The following ERBB4 variants were observed in gnomAD, a reference collection of about 807,000 sequenced individuals.
ERBB4 encodes receptor tyrosine-protein kinase erbB-4.
ERBB4 carries 42 observed loss-of-function variants against 158.0 expected under a neutral mutation model. The ratio of observed to expected loss-of-function variants is 0.27; its 90% confidence interval spans 0.21 to 0.34. The LOEUF (loss-of-function observed/expected upper bound fraction) is 0.34. ERBB4 is among the 10% of genes least tolerant of loss of function. The pLI, the probability that ERBB4 is intolerant of heterozygous loss-of-function variation, is 1.00. For missense variants in ERBB4, 1,333 were observed against 1,624.1 expected, an observed-to-expected ratio of 0.82 and a Z score of 3.08; for synonymous variants, 583 against 558.7, an observed-to-expected ratio of 1.04 and a Z score of -0.61.
At chr2:211,878,379 T>G (rs2078568127) in intron 3 of ERBB4, among the ~76,000 whole-genome samples, 1 of 152,168 alleles carries the variant, frequency 6.6e-6, no homozygotes, top group Non-Finnish European at 1.5e-5. Context: ...GGATGATATA[T>G]TGATATTATG....
At chr2:211,977,008 A>C (rs929904647) in intron 2 of ERBB4, among the ~76,000 whole-genome samples, 4 of 152,202 alleles carry the variant, frequency 2.6e-5, no homozygotes, top group African/African-American at 9.6e-5. Context: ...TCTTTATGTA[A>C]ATATGATTTA....
chr2:211,924,661 C>T (rs1417175635), intron 3 of ERBB4, among the ~76,000 whole-genome samples: 2 of 151,994 alleles, frequency 1.3e-5, no homozygotes, highest in African/African-American at 4.8e-5. Context: ...AAAATGAAAA[C>T]ATACAACATT....
chr2:212,312,435 T>C (rs970466330), intron 1 of ERBB4, among the ~76,000 whole-genome samples: 7 of 151,030 alleles, frequency 4.6e-5, no homozygotes, highest in Non-Finnish European at 7.4e-5. Context: ...AATTAGATTA[T>C]ACATTCTAAT....
chr2:211,857,900 G>A (rs5006043), intron 3 of ERBB4, among the ~76,000 whole-genome samples: 32,113 of 151,968 alleles, frequency 0.21, 3,495 homozygotes, highest in South Asian at 0.32. Context: ...CACGGGTAAG[G>A]ATCTCACAAC....
chr2:211,642,559 G>C (rs180920086), intron 16 of ERBB4, among the ~76,000 whole-genome samples: 3 of 152,114 alleles, frequency 2.0e-5, no homozygotes, highest in Admixed American at 6.6e-5. Context: ...TGATAAGCAA[G>C]CATATTCAGA....
At chr2:212,306,792 T>C (rs748714887) in intron 1 of ERBB4, among the ~76,000 whole-genome samples, 13 of 151,302 alleles carry the variant, frequency 8.6e-5, no homozygotes, top group Non-Finnish European at 1.9e-4. Flanking sequence ...GAAATGTTTA[T>C]TATGAAGAGT....
chr2:212,468,968 C>A (rs189817032), intron 1 of ERBB4, among the ~76,000 whole-genome samples: 1 of 152,168 alleles, frequency 6.6e-6, no homozygotes, highest in Admixed American at 6.5e-5. Flanking sequence ...TATCAGTAGG[C>A]CATTGTTGAT....
chr2:211,408,704 T>C (rs752556145), intron 25 of ERBB4, among the ~76,000 whole-genome samples: 26 of 152,210 alleles, frequency 1.7e-4, no homozygotes, highest in Admixed American at 3.9e-4. Context: ...TCATTCTCTT[T>C]GGAGCCGGAA....
intron 1 of ERBB4, among the ~76,000 whole-genome samples, chr2:212,300,886 C>T (rs1480609325): frequency 6.6e-6 from 1 of 151,480 alleles, no homozygotes; most frequent in Non-Finnish European, 1.5e-5. Context: ...AAAAATACCG[C>T]AATACCTCTA....
chr2:211,689,040 G>A (rs1315171383), intron 12 of ERBB4, among the ~76,000 whole-genome samples: 1 of 152,082 alleles, frequency 6.6e-6, no homozygotes, highest in East Asian at 1.9e-4. Context: ...CCCCTGAAAA[G>A]CTGAATGATT....
chr2:211,881,887 C>T (rs1289480865), intron 3 of ERBB4, among the ~76,000 whole-genome samples: 2 of 152,232 alleles, frequency 1.3e-5, no homozygotes, highest in African/African-American at 4.8e-5. Context: ...TCCCAGACAA[C>T]GAAGCAGCTT....
intron 7 of ERBB4, among the ~76,000 whole-genome samples, chr2:211,721,706 A>G (rs1321482687): frequency 6.6e-6 from 1 of 150,876 alleles, no homozygotes. Flanking sequence ...CTAGTTATAA[A>G]TAAGGAATCA....
intron 1 of ERBB4, among the ~76,000 whole-genome samples, chr2:212,495,563 CTT>C (rs1393847718): frequency 6.6e-6 from 1 of 152,150 alleles, no homozygotes; most frequent in African/African-American, 2.4e-5. Flanking sequence ...GTAGCTGAAA[CTT>C]TTTCAGTTAA....
chr2:211,593,580 T>C (rs2125797596), intron 19 of ERBB4, among the ~76,000 whole-genome samples: 1 of 152,330 alleles, frequency 6.6e-6, no homozygotes, highest in Admixed American at 6.5e-5. Context: ...TATTCTGTCT[T>C]GCATTATTCT....
rs1452732519 is a variant in ERBB4, at chr2:212,258,806, AG to A, written c.83-133904del. Reference sequence around the variant, plus strand: ...TTTTTCAGTGCATACAAAACTCATGAGTTGGCATATATGATTTTGGTAAATA... The same window carrying A: ...TTTTTCAGTGCATACAAAACTCATGATTGGCATATATGATTTTGGTAAATA... On this transcript the variant is annotated intron_variant, in intron 1 of 27. Transcript: ENST00000342788. Among the ~76,000 whole-genome samples the A allele has an allele frequency of 3.3e-5, 5 of 151,958 alleles. No homozygotes were observed. In the East Asian group the frequency reaches 9.7e-4, roughly 29 times the overall value.
chr2:211,383,944 C>T lies in ERBB4; in HGVS notation c.3598G>A (p.Asp1200Asn), dbSNP rs2062628741. 1 of 1,614,052 alleles carries T rather than the reference C, an allele frequency of 6.2e-7. No individual in the cohort carries two copies. The highest frequency in any genetic ancestry group is 8.5e-7 in the Non-Finnish European group (1 of 1,180,012). The change falls in exon 28 of 28, where the codon GAT becomes AAT. Residue 1200 changes from aspartate to asparagine, a missense_variant. Asp to Asn is a conservative substitution (Grantham distance 23). This residue lies in a region of ERBB4 where 252 missense variants were observed against 241.3 expected (regional missense o/e 1.04). Coordinates refer to ENST00000342788, the MANE Select transcript of ERBB4 (RefSeq NM_005235.3). Reference sequence around the variant, plus strand: ...TACAGTGGCTCATTCACATACTCATCCTCGGCCTTGGGTGGACCATTGGAT... The same window carrying T: ...TACAGTGGCTCATTCACATACTCATTCTCGGCCTTGGGTGGACCATTGGAT... ...NASNGPPKAE[D>N]EYVNEPLYLN... is the part of the protein sequence containing the mutation.
intron 2 of ERBB4, among the ~76,000 whole-genome samples, chr2:212,018,265 C>A: frequency 6.6e-6 from 1 of 152,166 alleles, no homozygotes; most frequent in East Asian, 1.9e-4. Flanking sequence ...TTCAATAATT[C>A]TCTCACCTTT....
intron 3 of ERBB4, among the ~76,000 whole-genome samples, chr2:211,792,301 A>G (rs6435672): frequency 0.8 from 120,939 of 151,488 alleles, 48,793 homozygotes; most frequent in African/African-American, 0.9. Flanking sequence ...TCCAGTTTCA[A>G]TATTATGCAA....
intron 1 of ERBB4, among the ~76,000 whole-genome samples, chr2:212,150,169 CA>C (rs1299885289): frequency 6.6e-6 from 1 of 152,112 alleles, no homozygotes; most frequent in Non-Finnish European, 1.5e-5. Flanking sequence ...AGAAATCCTC[CA>C]AAATTAAAGT....
Sources: gnomAD v4.1 joint callset for allele counts (sites outside exome capture counted in the v4.1 genomes callset) on GRCh38, gnomAD v4.1.1 for gene constraint, gnomAD v4.1.1 regional missense constraint, MANE v1.5 for transcripts, NCBI Gene and HGNC (gene_info 2026-07-23, HGNC 2026-07-21) for gene names.